Variants in SPAG16 observed in about 807,000 individuals in gnomAD.
SPAG16 encodes the protein sperm associated antigen 16.
In SPAG16, 86 loss-of-function variants were observed where a neutral mutation model predicts 80.4. That is an observed-to-expected ratio of 1.07 (90% CI 0.90 to 1.28). The LOEUF is 1.28. Ranked by LOEUF, SPAG16 falls within the 50% of genes most tolerant of loss-of-function variation. The pLI is 0.00. For missense variants in SPAG16, 870 were observed against 765.3 expected, an observed-to-expected ratio of 1.14 and a Z score of -1.61; for synonymous variants, 294 against 265.9, an observed-to-expected ratio of 1.11 and a Z score of -1.03.
intron 13 of SPAG16, among the ~76,000 whole-genome samples, chr2:214,072,562 A>G (rs191468420): frequency 1.3e-5 from 2 of 152,296 alleles, no homozygotes; most frequent in South Asian, 2.1e-4. Flanking sequence ...GAATCTGTTT[A>G]GGGAAATCTG....
At chr2:214,183,711 C>T (rs1237298686) in intron 15 of SPAG16, among the ~76,000 whole-genome samples, 1 of 152,040 alleles carries the variant, frequency 6.6e-6, no homozygotes, top group Non-Finnish European at 1.5e-5. Flanking sequence ...AGCTTAGAAA[C>T]CTGTCCTGGC....
intron 15 of SPAG16, among the ~76,000 whole-genome samples, chr2:214,407,396 AT>A (rs1210390280): frequency 6.6e-6 from 1 of 152,102 alleles, no homozygotes; most frequent in African/African-American, 2.4e-5. Flanking sequence ...AAAGAGACAT[AT>A]TTACTTCAAT....
chr2:214,199,408 G>A (rs778373460), intron 15 of SPAG16, among the ~76,000 whole-genome samples: 27 of 151,966 alleles, frequency 1.8e-4, no homozygotes, highest in Non-Finnish European at 2.9e-4. Flanking sequence ...AGATCAGTTG[G>A]CTATAAGTAT....
chr2:213,965,449 A>C (rs1389742528), intron 12 of SPAG16, among the ~76,000 whole-genome samples: 3 of 151,166 alleles, frequency 2.0e-5, no homozygotes, highest in Non-Finnish European at 4.4e-5. Flanking sequence ...TGATTGCTCT[A>C]TTATTTTAGA....
At chr2:213,604,439 A>G (rs1007098462) in intron 10 of SPAG16, among the ~76,000 whole-genome samples, 5 of 152,160 alleles carry the variant, frequency 3.3e-5, no homozygotes, top group Non-Finnish European at 5.9e-5. Flanking sequence ...CTTGAAGCCC[A>G]TCAAATTCCT....
At chr2:213,410,475 C>T (rs915412054) in intron 9 of SPAG16, among the ~76,000 whole-genome samples, 3 of 152,110 alleles carry the variant, frequency 2.0e-5, no homozygotes. Flanking sequence ...AGGAGTCTTG[C>T]CCCCGATGTA....
chr2:213,391,212 G>A (rs1450912309), intron 9 of SPAG16, among the ~76,000 whole-genome samples: 1 of 152,108 alleles, frequency 6.6e-6, no homozygotes, highest in Non-Finnish European at 1.5e-5. Flanking sequence ...AGGTTGCAGT[G>A]AGCTGAGATG....
intron 10 of SPAG16, among the ~76,000 whole-genome samples, chr2:213,493,888 C>T (rs996866931): frequency 5.9e-5 from 9 of 152,246 alleles, no homozygotes; most frequent in African/African-American, 1.7e-4. Context: ...GACAAAAGTG[C>T]GGACTGAATT....
At chr2:214,406,946 C>G (rs955343986) in intron 15 of SPAG16, among the ~76,000 whole-genome samples, 1 of 152,008 alleles carries the variant, frequency 6.6e-6, no homozygotes, top group African/African-American at 2.4e-5. Context: ...TTGATATATA[C>G]TGAGTTATTT....
chr2:213,766,648 T>C (rs1232975555), intron 10 of SPAG16, among the ~76,000 whole-genome samples: 1 of 152,114 alleles, frequency 6.6e-6, no homozygotes, highest in East Asian at 1.9e-4. Flanking sequence ...AAAAAGGCTC[T>C]AGTAGTTTTA....
intron 15 of SPAG16, among the ~76,000 whole-genome samples, chr2:214,227,702 A>ATATGTG (rs1553534024): frequency 6.9e-6 from 1 of 145,660 alleles, no homozygotes; most frequent in Non-Finnish European, 1.5e-5. Flanking sequence ...TGGAAGGTGT[A>ATATGTG]TGTGTGTGTG....
chr2:214,007,560 G>C (rs556859835), intron 12 of SPAG16, among the ~76,000 whole-genome samples: 9 of 152,178 alleles, frequency 5.9e-5, no homozygotes, highest in African/African-American at 2.2e-4. Context: ...GAAAACATCT[G>C]CTGTCAATGA....
chr2:214,265,380 CTTAT>C (rs1224227848), intron 15 of SPAG16, among the ~76,000 whole-genome samples: 1 of 151,984 alleles, frequency 6.6e-6, no homozygotes, highest in Non-Finnish European at 1.5e-5. Flanking sequence ...TTTTCATATG[CTTAT>C]TTGCCATCTG....
intron 9 of SPAG16, among the ~76,000 whole-genome samples, chr2:213,455,410 G>A (rs2071940352): frequency 6.6e-6 from 1 of 152,072 alleles, no homozygotes. Flanking sequence ...TTACTTAGAA[G>A]TTCCAGGGGC....
At chr2:213,833,599 A>ATATATATTATATATAT in intron 10 of SPAG16, among the ~76,000 whole-genome samples, 1 of 51,866 alleles carries the variant, frequency 1.9e-5, no homozygotes, top group African/African-American at 9.5e-5. Flanking sequence ...ATATATATAT[A>ATATATATTATATATAT]AAATCTCCTT....
intron 10 of SPAG16, among the ~76,000 whole-genome samples, chr2:213,777,491 C>T (rs2069673235): frequency 6.6e-6 from 1 of 151,962 alleles, no homozygotes; most frequent in African/African-American, 2.4e-5. Flanking sequence ...ACTGCAAGCT[C>T]CGCCTCCCGG....
chr2:214,111,059 A>T (rs1232525917), intron 14 of SPAG16, among the ~76,000 whole-genome samples: 12 of 151,772 alleles, frequency 7.9e-5, no homozygotes, highest in Non-Finnish European at 1.6e-4. Flanking sequence ...GATTGCAAAA[A>T]TTTTCTCCCA....
chr2:213,865,173 A>T (rs1480227915), intron 11 of SPAG16, among the ~76,000 whole-genome samples: 1 of 152,052 alleles, frequency 6.6e-6, no homozygotes, highest in Non-Finnish European at 1.5e-5. Context: ...AGGAGAGAAT[A>T]TAAATTTTTT....
At chr2:213,495,529 T>G (rs1199042432) in intron 10 of SPAG16, among the ~76,000 whole-genome samples, 1 of 152,244 alleles carries the variant, frequency 6.6e-6, no homozygotes, top group African/African-American at 2.4e-5. Flanking sequence ...CAGGCACTAC[T>G]CTGGGCAGTT....
Sources: gnomAD v4.1 joint callset for allele counts (sites outside exome capture counted in the v4.1 genomes callset) on GRCh38, gnomAD v4.1.1 for gene constraint, MANE v1.5 for transcripts, NCBI Gene and HGNC (gene_info 2026-07-23, HGNC 2026-07-21) for gene names.